ACACB: variants seen among roughly 807,000 people sequenced by gnomAD.
ACACB encodes acetyl-CoA carboxylase 2.
A neutral mutation model predicts 278.8 loss-of-function variants in ACACB; 209 were observed. That is an observed-to-expected ratio of 0.75 (90% CI 0.67 to 0.84). The LOEUF is 0.84. ACACB is among the 40% of genes least tolerant of loss of function. ACACB has a pLI of 0.00. For synonymous variants in ACACB, 1,174 were observed against 1,285.6 expected, an observed-to-expected ratio of 0.91 and a Z score of 1.86; for missense variants, 2,850 against 3,269.0, an observed-to-expected ratio of 0.87 and a Z score of 3.13.
In ACACB at chr12:109,191,934, T is replaced by C. The variant is rs773701996; in HGVS notation, c.2383T>C (p.Leu795=). 1.2e-5 allele frequency: 19 copies of C among 1,614,074 alleles called. No individual in the cohort carries two copies. In the African/African-American group the frequency reaches 2.4e-4, roughly 20 times the overall value. ...GTTCAGAACGTGCATGACAGATTTC[T>C]TACACTCCCTGGAAAGGTAGGGGCT... ...AMFRTCMTDF[L]HSLERGQVLP... is the part of the protein sequence containing the mutation. Residue 795 remains leucine, a synonymous_variant, in exon 15 of 53, where the codon TTA becomes CTA. Transcript: ENST00000338432.
At chr12:109,158,974 C>T (rs542056484) in intron 2 of ACACB, among the ~76,000 whole-genome samples, 5 of 19,142 alleles carry the variant, frequency 2.6e-4, no homozygotes, top group East Asian at 2.0e-3. Context: ...GACTCCCTTT[C>T]GAAACAAACG....
chr12:109,245,294 GA>G (rs1043931658), intron 37 of ACACB, among the ~76,000 whole-genome samples: 3 of 150,898 alleles, frequency 2.0e-5, no homozygotes, highest in Admixed American at 1.3e-4. Context: ...AAAGGAAAAT[GA>G]AAAAAAAAGC....
In ACACB at chr12:109,209,254, A is replaced by C; in HGVS notation, c.3150A>C (p.Ala1050=). 6.2e-7 allele frequency: 1 copy of C among 1,611,842 alleles called. No homozygotes were observed. Among genetic ancestry groups the C allele is most frequent in the South Asian group, 1.1e-5 (1 of 90,712 alleles). ...TGCAGGAGATCATGACCAGCGTGGC[A>C]GGCCGCATCCCCGCCCCTGTGGAGA... ...LELQEIMTSV[A]GRIPAPVEKS... is the part of the protein sequence containing the mutation. Residue 1050 remains alanine, a synonymous_variant, in exon 21 of 53, where the codon GCA becomes GCC. Coordinates refer to ENST00000338432, the MANE Select transcript of ACACB (RefSeq NM_001093.4).
intron 1 of ACACB, among the ~76,000 whole-genome samples, chr12:109,127,409 C>A (rs1332316555): frequency 2.0e-5 from 3 of 149,112 alleles, no homozygotes; most frequent in Non-Finnish European, 4.5e-5. Flanking sequence ...AAAGTGAGAT[C>A]CTGTCTCTAC....
In ACACB at chr12:109,124,723, T is replaced by G. The variant is rs145622697; in HGVS notation, c.-10+8019T>G. ...TGTTGTTGTTGTTTCTGGTTTTGTT[T>G]GTTTGTTTTGAGACAGGGTCTCTCT... On this transcript the variant is annotated intron_variant, in intron 1 of 52. Transcript: ENST00000338432. Among the ~76,000 whole-genome samples the G allele has an allele frequency of 1.2e-4, 19 of 152,322 alleles. No homozygotes were observed. The East Asian group carries it at 2.9e-3, about 23-fold the overall frequency.
At chr12:109,191,445 C>G in intron 13 of ACACB, 168 bp from the exon 14 acceptor site, 1 of 702,236 alleles carries the variant, frequency 1.4e-6, no homozygotes, top group Non-Finnish European at 2.3e-6. Flanking sequence ...AACTCCTGAC[C>G]TCAAGTAATA....
chr12:109,152,640 CTTTTTTTTTTTTT>C (rs34863094), intron 2 of ACACB, among the ~76,000 whole-genome samples: 1 of 74,840 alleles, frequency 1.3e-5, no homozygotes, highest in African/African-American at 4.8e-5. Context: ...TTCTTTCTTT[CTTTTTTTTTTTTT>C]TTTTTTTTTT....
chr12:109,160,536 C>T (rs1274468815), intron 2 of ACACB, among the ~76,000 whole-genome samples: 6 of 152,206 alleles, frequency 3.9e-5, no homozygotes, highest in Non-Finnish European at 8.8e-5. Flanking sequence ...GACACCTCTG[C>T]TGTTGATTGT....
At chr12:109,200,543 C>T (rs2045301313) in intron 18 of ACACB, among the ~76,000 whole-genome samples, 1 of 151,970 alleles carries the variant, frequency 6.6e-6, no homozygotes, top group Admixed American at 6.6e-5. Context: ...AATATTGACC[C>T]CAGCAATAAT....
chr12:109,240,558 T>C (rs2046766004), intron 35 of ACACB, among the ~76,000 whole-genome samples: 1 of 148,392 alleles, frequency 6.7e-6, no homozygotes, highest in Admixed American at 6.8e-5. Context: ...TTAATATCGA[T>C]ATATTAATAT....
intron 2 of ACACB, among the ~76,000 whole-genome samples, chr12:109,163,651 T>C (rs2043807847): frequency 6.6e-6 from 1 of 152,162 alleles, no homozygotes; most frequent in South Asian, 2.1e-4. Context: ...TGTTTCTTGT[T>C]GTTGTTGTTG....
chr12:109,118,910 G>C (rs755442374), intron 1 of ACACB, among the ~76,000 whole-genome samples: 5 of 152,136 alleles, frequency 3.3e-5, no homozygotes, highest in African/African-American at 1.2e-4. Flanking sequence ...ATTTATGACC[G>C]TAGAGTAAGG....
chr12:109,181,229 C>CTTTTT (rs1219593155), intron 11 of ACACB, among the ~76,000 whole-genome samples: 21 of 130,760 alleles, frequency 1.6e-4, no homozygotes, highest in Non-Finnish European at 2.4e-4. Context: ...TTTTTCTTTT[C>CTTTTT]TTTTTTTTTT....
Position 109,209,237 on chromosome 12 carries a change from A to G in ACACB, c.3133A>G (p.Ile1045Val). 1 of 1,611,314 alleles carries G rather than the reference A, an allele frequency of 6.2e-7. No individual in the cohort carries two copies. The highest frequency in any genetic ancestry group is 8.5e-7 in the Non-Finnish European group (1 of 1,179,514). ...ACTGCCGCTGCTGGAGCTGCAGGAG[A>G]TCATGACCAGCGTGGCAGGCCGCAT... The part of the protein sequence containing the change: ...PSLPLLELQE[I>V]MTSVAGRIPA... The change falls in exon 21 of 53, where the codon ATC (isoleucine) becomes GTC (valine). Residue 1045 changes from isoleucine to valine, a missense_variant. Transcript: ENST00000338432.
chr12:109,149,163 C>T (rs977186575), intron 2 of ACACB, among the ~76,000 whole-genome samples: 2 of 152,168 alleles, frequency 1.3e-5, no homozygotes, highest in Non-Finnish European at 2.9e-5. Flanking sequence ...ATTAGTGTCA[C>T]TGCCTAACCT....
At chr12:109,118,256 A>T (rs537877727) in intron 1 of ACACB, among the ~76,000 whole-genome samples, 4 of 152,286 alleles carry the variant, frequency 2.6e-5, no homozygotes, top group Non-Finnish European at 4.4e-5. Flanking sequence ...GGTGTTGTGT[A>T]AACTCGCTCA....
chr12:109,259,157 C>T, intron 47 of ACACB, 49 bp downstream of exon 47: 1 of 1,597,982 alleles, frequency 6.3e-7, no homozygotes, highest in Admixed American at 1.7e-5. Context: ...GGTCAGCACC[C>T]AGGACAGCAC....
chr12:109,162,473 C>T lies in ACACB; in HGVS notation c.654-4388C>T, dbSNP rs73415131. Among the ~76,000 whole-genome samples the T allele has an allele frequency of 6.6e-3, 1,006 of 152,190 alleles. 20 individuals carry two copies. The highest frequency in any genetic ancestry group is 0.023 in the African/African-American group (945 of 41,528). On this transcript the variant is annotated intron_variant, in intron 2 of 52. Coordinates refer to ENST00000338432, the MANE Select transcript of ACACB (RefSeq NM_001093.4). ...AAGGAGGGTACCAAAATGAGAAGGA[C>T]AGGGTGGAAGACTCCCAGGTCCCCT...
In ACACB at chr12:109,176,037, G is replaced by T; in HGVS notation, c.1323G>T (p.Leu441Phe). 6.2e-7 allele frequency: 1 copy of T among 1,614,068 alleles called. No individual in the cohort carries two copies. Among genetic ancestry groups the T allele is most frequent in the Non-Finnish European group, 8.5e-7 (1 of 1,179,926 alleles). Residue 441 changes from leucine to phenylalanine, a missense_variant, in exon 8 of 53, where the codon TTG becomes TTT. This residue lies in a region of ACACB where 2,265 missense variants were observed against 2,561.3 expected (regional missense o/e 0.88). Transcript: ENST00000338432. ...GCGTGAAAGACGTAGATGAGGGCTTGGAGGTAAATGCAGAGCCTGTGGGGG... is the reference window on the plus strand; with the variant it reads ...GCGTGAAAGACGTAGATGAGGGCTTTGAGGTAAATGCAGAGCCTGTGGGGG... ...KGCVKDVDEG[L>F]EAAERIGFPL...
Sources: allele counts gnomAD v4.1 joint callset (sites outside exome capture counted in the v4.1 genomes callset), GRCh38; gene constraint gnomAD v4.1.1; regional missense constraint gnomAD v4.1.1; transcripts MANE v1.5; gene names NCBI Gene and HGNC (gene_info 2026-07-23, HGNC 2026-07-21).